FAM124A: variants seen among roughly 807,000 people sequenced by gnomAD.
FAM124A encodes the protein protein FAM124A.
Under a neutral mutation model 24.5 loss-of-function variants are expected in FAM124A, and 23 were observed. The observed-to-expected ratio is 0.94, with a 90% confidence interval of 0.68 to 1.33. FAM124A has a LOEUF of 1.33. FAM124A is among the 40% of genes most tolerant of loss of function. The probability of loss-of-function intolerance (pLI) is 0.00; values close to 1 mark genes in which losing one functional copy is unlikely to be tolerated. For synonymous variants in FAM124A, 287 were observed against 314.7 expected (o/e 0.91, Z 0.93); for missense variants, 623 against 722.8 (o/e 0.86, Z 1.58).
chr13:51,279,111 AATAAG>A (rs1954912024), intron 3 of FAM124A, among the ~76,000 whole-genome samples: 2 of 152,222 alleles, frequency 1.3e-5, no homozygotes, highest in Non-Finnish European at 2.9e-5. Context: ...CTTTGGAAAA[AATAAG>A]ATAGACATTT....
At chr13:51,239,019 G>A (rs561615526) in intron 2 of FAM124A, among the ~76,000 whole-genome samples, 109 of 152,174 alleles carry the variant, frequency 7.2e-4, no homozygotes, top group African/African-American at 2.3e-3. Flanking sequence ...ATTTCCATCC[G>A]GGATATGAAA....
chr13:51,281,497 G>A lies in FAM124A; in HGVS notation c.*241G>A, dbSNP rs569491258. The stretch of plus-strand genomic sequence containing the variant: ...AAACTTGTCATAAAATATATTTTTT[G>A]AATATTCAGCATTTGAGGTATGGTT... On this transcript the variant is annotated 3_prime_UTR_variant, in exon 4 of 4. Coordinates refer to ENST00000322475, the MANE Select transcript of FAM124A (RefSeq NM_001242312.2). 7.0e-6 allele frequency: 3 copies of A among 429,148 alleles called. No homozygotes were observed. The Admixed American group carries it at 1.2e-4, about 17-fold the overall frequency. 26.6% of individuals were successfully genotyped at this position (429,148 alleles called of 1,614,324 possible).
chr13:51,238,313 C>G (rs902508451), intron 2 of FAM124A, among the ~76,000 whole-genome samples: 3 of 152,210 alleles, frequency 2.0e-5, no homozygotes, highest in Non-Finnish European at 4.4e-5. Flanking sequence ...AATGCAGAAT[C>G]CCAGGCCTCC....
intron 3 of FAM124A, among the ~76,000 whole-genome samples, chr13:51,279,154 C>T (rs948864545): frequency 5.3e-5 from 8 of 152,224 alleles, no homozygotes; most frequent in Non-Finnish European, 1.2e-4. Flanking sequence ...CCCCCTCCCC[C>T]GGAAACAACC....
chr13:51,268,114 C>A lies in FAM124A; in HGVS notation c.835-12336C>A, dbSNP rs1380321523. On this transcript the variant is annotated intron_variant, in intron 3 of 3. Transcript: ENST00000322475. ...GGACTTGTTGTGTCTGAACCCTTAG[C>A]TCCACTTATCCTGTAGCCCAGCTGC... 2.0e-5 allele frequency among the ~76,000 whole-genome samples: 3 copies of A among 152,254 alleles called. No individual in the cohort carries two copies. The East Asian group carries it at 5.8e-4, about 29-fold the overall frequency.
intron 3 of FAM124A, among the ~76,000 whole-genome samples, chr13:51,265,101 C>T (rs1046304482): frequency 2.0e-5 from 3 of 152,178 alleles, no homozygotes; most frequent in Non-Finnish European, 4.4e-5. Flanking sequence ...TCAGGGCTCA[C>T]TCAGAGGCTT....
chr13:51,225,963 G>T (rs533639306), intron 1 of FAM124A, among the ~76,000 whole-genome samples: 1 of 101,646 alleles, frequency 9.8e-6, no homozygotes, highest in African/African-American at 3.3e-5. Context: ...CTGTAATGTT[G>T]CTTGCTTGCT....
chr13:51,283,792 A>AAG lies in FAM124A; in HGVS notation c.*2537_*2538insGA, dbSNP rs1954962112. The AAG allele has an allele frequency of 6.6e-6, 1 of 150,486 alleles. No individual in the cohort carries two copies. Among genetic ancestry groups the AAG allele is most frequent in the Non-Finnish European group, 1.5e-5 (1 of 67,712 alleles). The allele number at this position is 150,486 out of a possible 1,614,324, so 9.3% of individuals were successfully genotyped here. A position where few individuals can be genotyped will look rare whatever the true frequency, so the allele number is the denominator to read the frequency against. ...CAAAAAAAAAAAAAAAAAAAAAAAA[A>AAG]AAAGGCTAATGGCCGAGGGCTGGCT... On this transcript the variant is annotated 3_prime_UTR_variant, in exon 4 of 4. Coordinates refer to ENST00000322475, the MANE Select transcript of FAM124A (RefSeq NM_001242312.2).
At chr13:51,259,332 C>T (rs1180838275) in intron 3 of FAM124A, among the ~76,000 whole-genome samples, 1 of 152,110 alleles carries the variant, frequency 6.6e-6, no homozygotes, top group Admixed American at 6.5e-5. Context: ...AGCGGCTGCT[C>T]ATCCACAGAG....
chr13:51,234,531 AC>A (rs1422772465), intron 2 of FAM124A, among the ~76,000 whole-genome samples: 1 of 151,808 alleles, frequency 6.6e-6, no homozygotes, highest in Non-Finnish European at 1.5e-5. Context: ...TGGGTCATTC[AC>A]CCTCTCTGGG....
At chr13:51,230,389 G>A (rs995558495) in intron 1 of FAM124A, among the ~76,000 whole-genome samples, 7 of 152,160 alleles carry the variant, frequency 4.6e-5, no homozygotes, top group Non-Finnish European at 8.8e-5. Flanking sequence ...TTCAGGAAAG[G>A]CAGCAGGAGA....
chr13:51,222,398 A>G lies in FAM124A; in HGVS notation c.-104A>G. ...GTTGTTTGCCGGCTCCCGGGCCGCC[A>G]GACGCTCGGAGGGAGCCCGGCCGGC... is the stretch of plus-strand genomic sequence containing the variant. On this transcript the variant is annotated 5_prime_UTR_variant, in exon 1 of 4. Coordinates refer to ENST00000322475, the MANE Select transcript of FAM124A (RefSeq NM_001242312.2). 2.0e-6 allele frequency: 2 copies of G among 1,021,070 alleles called. No homozygotes were observed. Among genetic ancestry groups the G allele is most frequent in the Non-Finnish European group, 2.4e-6 (2 of 820,906 alleles). 63.3% of individuals were successfully genotyped at this position (1,021,070 alleles called of 1,614,324 possible).
chr13:51,259,274 C>T (rs1279941766), intron 3 of FAM124A, among the ~76,000 whole-genome samples: 1 of 152,092 alleles, frequency 6.6e-6, no homozygotes, highest in Non-Finnish European at 1.5e-5. Flanking sequence ...GCCGAGGGAT[C>T]CTTTTACAAT....
Position 51,281,138 on chromosome 13 carries a change from A to T in FAM124A, c.1523A>T (p.Asp508Val), listed in dbSNP as rs773483406. The T allele has an allele frequency of 6.2e-7, 1 of 1,612,804 alleles. No individual in the cohort carries two copies. Among genetic ancestry groups the T allele is most frequent in the South Asian group, 1.1e-5 (1 of 91,004 alleles). ...PPAPSTSTLT[D>V]SSPQLPCDTP... ...GCTCCCAGCACCTCCACCCTCACAGACTCCTCCCCACAGCTCCCATGCGAT... is the reference window on the plus strand; with the variant it reads ...GCTCCCAGCACCTCCACCCTCACAGTCTCCTCCCCACAGCTCCCATGCGAT... The change falls in exon 4 of 4, where the codon GAC (aspartate) becomes GTC (valine). Residue 508 changes from aspartate to valine, a missense_variant. By Grantham distance (152) the Asp-to-Val change is radical (BLOSUM62 -3). Transcript: ENST00000322475.
At chr13:51,279,901 C>G (rs1566176754) in intron 3 of FAM124A, among the ~76,000 whole-genome samples, 1 of 152,184 alleles carries the variant, frequency 6.6e-6, no homozygotes, top group Admixed American at 6.5e-5. Context: ...ATGGACCACC[C>G]CACCCTAAGA....
intron 2 of FAM124A, among the ~76,000 whole-genome samples, chr13:51,232,314 A>T (rs1461766282): frequency 2.8e-5 from 4 of 144,134 alleles, no homozygotes; most frequent in Non-Finnish European, 6.2e-5. Flanking sequence ...CTTATTTTAA[A>T]TTAACAAAAG....
chr13:51,250,296 G>A (rs1466231474), intron 2 of FAM124A, among the ~76,000 whole-genome samples: 1 of 152,060 alleles, frequency 6.6e-6, no homozygotes, highest in East Asian at 1.9e-4. Context: ...CACCCCTAGT[G>A]GACACTGTGA....
At chr13:51,228,459 A>G (rs1267345440) in intron 1 of FAM124A, among the ~76,000 whole-genome samples, 2 of 152,150 alleles carry the variant, frequency 1.3e-5, no homozygotes, top group Non-Finnish European at 2.9e-5. Flanking sequence ...TCTGCTCTAT[A>G]TCGTGTATAA....
chr13:51,233,000 T>C (rs1954395143), intron 2 of FAM124A, among the ~76,000 whole-genome samples: 1 of 152,218 alleles, frequency 6.6e-6, no homozygotes, highest in Admixed American at 6.5e-5. Flanking sequence ...TCTTCCTTTC[T>C]ACTTTAAATG....
Sources: gnomAD v4.1 joint callset for allele counts (sites outside exome capture counted in the v4.1 genomes callset) on GRCh38, gnomAD v4.1.1 for gene constraint, MANE v1.5 for transcripts, NCBI Gene and HGNC (gene_info 2026-07-23, HGNC 2026-07-21) for gene names.